The following ZNF804B variants were observed in gnomAD, a reference collection of about 807,000 sequenced individuals.
ZNF804B encodes zinc finger protein 804B.
Under a neutral mutation model 101.4 loss-of-function variants are expected in ZNF804B, and 80 were observed. The ratio of observed to expected loss-of-function variants is 0.79; its 90% CI spans 0.66 to 0.95. The LOEUF (loss-of-function observed/expected upper bound fraction) is 0.95. ZNF804B is among the 40% of genes least tolerant of loss of function. ZNF804B has a pLI of 0.00. For missense variants in ZNF804B, 1,673 were observed against 1,561.9 expected (o/e 1.07, Z -1.20); for synonymous variants, 622 against 558.8 (o/e 1.11, Z -1.59).
intron 1 of ZNF804B, among the ~76,000 whole-genome samples, chr7:88,827,579 C>T (rs1202709936): frequency 1.3e-5 from 2 of 152,016 alleles, no homozygotes; most frequent in Non-Finnish European, 2.9e-5. Flanking sequence ...CATTTGGGCT[C>T]TAGGTGCACT....
intron 2 of ZNF804B, among the ~76,000 whole-genome samples, chr7:89,285,209 AC>A (rs1280844365): frequency 6.6e-6 from 1 of 151,682 alleles, no homozygotes; most frequent in Non-Finnish European, 1.5e-5. Context: ...ACAGAGCAAG[AC>A]CCTGTCACAA....
chr7:89,237,194 T>C (rs1789297733), intron 2 of ZNF804B, among the ~76,000 whole-genome samples: 1 of 152,150 alleles, frequency 6.6e-6, no homozygotes, highest in Admixed American at 6.5e-5. Context: ...TAGCTTGATG[T>C]TTTTTCAGGC....
chr7:88,905,716 C>G (rs1235596300), intron 1 of ZNF804B, among the ~76,000 whole-genome samples: 1 of 151,892 alleles, frequency 6.6e-6, no homozygotes, highest in African/African-American at 2.4e-5. Flanking sequence ...GGATGTTGGC[C>G]TAAAGTTTTC....
rs1405690716 is a variant in ZNF804B, at chr7:89,077,579, A to G, written c.109-140576A>G. On this transcript the variant is annotated intron_variant, in intron 1 of 3. Coordinates refer to ENST00000333190, the MANE Select transcript of ZNF804B (RefSeq NM_181646.5). ...AAAACCTTGTGGTGCCTGGTGATAT[A>G]GCACTTTATGTTCTGCTCAAGTTCA... is the stretch of plus-strand genomic sequence containing the variant. Among the ~76,000 whole-genome samples, 6 of 152,158 alleles carry G rather than the reference A, an allele frequency of 3.9e-5. No homozygotes were observed. In the East Asian group the frequency reaches 1.2e-3, roughly 29 times the overall value.
chr7:89,003,071 A>G (rs1788312690), intron 1 of ZNF804B, among the ~76,000 whole-genome samples: 1 of 151,678 alleles, frequency 6.6e-6, no homozygotes, highest in East Asian at 1.9e-4. Flanking sequence ...TTCAGAGGAA[A>G]GGGTTACGGT....
intron 1 of ZNF804B, among the ~76,000 whole-genome samples, chr7:88,939,021 A>G (rs1170169392): frequency 6.6e-6 from 1 of 152,058 alleles, no homozygotes; most frequent in Non-Finnish European, 1.5e-5. Flanking sequence ...AGTGTCTAAA[A>G]CAAGAGGAAT....
At chr7:89,193,633 G>A (rs1223592274) in intron 1 of ZNF804B, among the ~76,000 whole-genome samples, 1 of 152,008 alleles carries the variant, frequency 6.6e-6, no homozygotes, top group Non-Finnish European at 1.5e-5. Flanking sequence ...TCCTACAAAG[G>A]ACATGAACTC....
At chr7:88,875,844 A>T (rs917328208) in intron 1 of ZNF804B, among the ~76,000 whole-genome samples, 6 of 152,338 alleles carry the variant, frequency 3.9e-5, no homozygotes, top group African/African-American at 1.4e-4. Flanking sequence ...AAAGCTGGGC[A>T]GAGACACAAC....
intron 1 of ZNF804B, among the ~76,000 whole-genome samples, chr7:88,863,234 C>G (rs1791676984): frequency 6.6e-6 from 1 of 152,156 alleles, no homozygotes; most frequent in African/African-American, 2.4e-5. Flanking sequence ...TGCCCCCGAA[C>G]CCTACCTCGG....
At chr7:89,014,387 G>T (rs1788508693) in intron 1 of ZNF804B, among the ~76,000 whole-genome samples, 1 of 152,010 alleles carries the variant, frequency 6.6e-6, no homozygotes, top group Non-Finnish European at 1.5e-5. Context: ...TGTGATGTTG[G>T]CTCACTGCAA....
At chr7:89,093,415 TCAGCATTCCATGC>T (rs1789924604) in intron 1 of ZNF804B, among the ~76,000 whole-genome samples, 2 of 152,242 alleles carry the variant, frequency 1.3e-5, no homozygotes, top group African/African-American at 4.8e-5. Flanking sequence ...TTTGTCAAAT[TCAGCATTCCATGC>T]TGGGATCCCC....
chr7:89,060,941 A>G (rs1789370553), intron 1 of ZNF804B, among the ~76,000 whole-genome samples: 6 of 152,140 alleles, frequency 3.9e-5, no homozygotes, highest in Admixed American at 3.9e-4. Context: ...GTGACACAAT[A>G]AAGTTTTTGG....
intron 1 of ZNF804B, among the ~76,000 whole-genome samples, chr7:89,066,600 T>A (rs890814973): frequency 6.6e-5 from 10 of 152,118 alleles, no homozygotes; most frequent in African/African-American, 7.2e-5. Flanking sequence ...GGACTTTTTT[T>A]AAAAAAATTG....
chr7:89,040,634 A>G (rs759090213), intron 1 of ZNF804B, among the ~76,000 whole-genome samples: 1 of 152,132 alleles, frequency 6.6e-6, no homozygotes, highest in Non-Finnish European at 1.5e-5. Context: ...GGGCCAGTTA[A>G]TGGTGATTTC....
intron 1 of ZNF804B, among the ~76,000 whole-genome samples, chr7:89,091,060 C>A (rs537742819): frequency 6.6e-6 from 1 of 151,982 alleles, no homozygotes. Context: ...ATTTATCTTT[C>A]CTGTTTTCTT....
intron 2 of ZNF804B, among the ~76,000 whole-genome samples, chr7:89,255,569 T>C (rs551692617): frequency 6.6e-6 from 1 of 152,216 alleles, no homozygotes; most frequent in South Asian, 2.1e-4. Context: ...ATTTGAACAA[T>C]AAAATAAAAT....
rs35084707 is a variant in ZNF804B at position 89,087,056 on chromosome 7, CAA to C, written c.109-131085_109-131084del. On this transcript the variant is annotated intron_variant, in intron 1 of 3. Coordinates refer to ENST00000333190, the MANE Select transcript of ZNF804B (RefSeq NM_181646.5). ...AATACATAATAACTTTTTTTAAATT[CAA>C]AAAAAAAAAAAAAGAAAGGAAGCAC... Among the ~76,000 whole-genome samples the C allele has an allele frequency of 2.4e-3, 342 of 140,850 alleles. 2 individuals are homozygous for C. Among genetic ancestry groups the C allele is most frequent in the African/African-American group, 5.5e-3 (210 of 38,382 alleles). The allele number at this position is 140,850 out of a possible 152,430, so 92.4% of individuals were successfully genotyped here.
chr7:88,967,935 C>T (rs769208262), intron 1 of ZNF804B, among the ~76,000 whole-genome samples: 1 of 151,478 alleles, frequency 6.6e-6, no homozygotes, highest in African/African-American at 2.4e-5. Flanking sequence ...ACACCTTCAT[C>T]TGATCTTGGA....
At chr7:89,273,148 T>C (rs1040944374) in intron 2 of ZNF804B, among the ~76,000 whole-genome samples, 12 of 152,166 alleles carry the variant, frequency 7.9e-5, no homozygotes, top group African/African-American at 2.9e-4. Context: ...GCACAACCCT[T>C]CAAAAGTAGT....
Sources: allele counts gnomAD v4.1 joint callset (sites outside exome capture counted in the v4.1 genomes callset), GRCh38; gene constraint gnomAD v4.1.1; transcripts MANE v1.5; gene names NCBI Gene and HGNC (gene_info 2026-07-23, HGNC 2026-07-21).